The following RFX8 variants were observed in gnomAD, a reference collection of about 807,000 sequenced individuals.
The protein encoded by RFX8 is DNA-binding protein RFX8.
In RFX8, 46 loss-of-function variants were observed where a neutral mutation model predicts 54.6. The ratio of observed to expected loss-of-function variants is 0.84; its 90% CI spans 0.67 to 1.08. The LOEUF (loss-of-function observed/expected upper bound fraction) is 1.08. Ranked by LOEUF, RFX8 falls within the 50% of genes least tolerant of loss-of-function variation. RFX8 has a pLI of 0.00. For missense variants in RFX8, 536 were observed against 562.3 expected (o/e 0.95, Z 0.47); for synonymous variants, 192 against 209.5 (o/e 0.92, Z 0.72).
rs1477781547 is a variant in RFX8, at chr2:101,402,559, G to A, written c.1122C>T (p.Ser374=). 6.4e-7 allele frequency: 1 copy of A among 1,551,878 alleles called. No homozygotes were observed. The highest frequency in any genetic ancestry group is 2.0e-5 in the Admixed American group (1 of 51,010). ...TCACCCCCAGTGGCTCCATGCTGGG[G>A]CTGGCACACGCCTGCGACAGTGAGG... ...LNSSLSQACA[S]PSMEPLGVMP... The change falls in exon 11 of 12, where the codon AGC becomes AGT. Residue 374 remains serine, a synonymous_variant. Transcript: ENST00000428343.
intron 2 of RFX8, among the ~76,000 whole-genome samples, chr2:101,428,734 G>A (rs1273383382): frequency 6.6e-6 from 1 of 152,228 alleles, no homozygotes; most frequent in East Asian, 1.9e-4. Context: ...AGCAGGGAAT[G>A]TGCAGCCAAA....
chr2:101,469,100 ATATATAAGTG>A (rs1689812366), intron 1 of RFX8, among the ~76,000 whole-genome samples: 1 of 27,676 alleles, frequency 3.6e-5, no homozygotes, highest in African/African-American at 1.1e-4. Flanking sequence ...ATAAGTATAT[ATATATAAGTG>A]TATATATATA....
intron 9 of RFX8, among the ~76,000 whole-genome samples, chr2:101,408,988 C>T (rs902916896): frequency 6.6e-6 from 1 of 152,220 alleles, no homozygotes; most frequent in Non-Finnish European, 1.5e-5. Flanking sequence ...CCCTCGGAGT[C>T]TTTGCTCTCT....
At chr2:101,438,727 T>C (rs6708466) in intron 2 of RFX8, among the ~76,000 whole-genome samples, 114,453 of 151,702 alleles carry the variant, frequency 0.75, 44,142 homozygotes, top group Middle Eastern at 0.88. Context: ...TCTACATCCT[T>C]GCTGGCATTG....
At chr2:101,468,052 G>A (rs1052719342) in intron 1 of RFX8, among the ~76,000 whole-genome samples, 3 of 152,056 alleles carry the variant, frequency 2.0e-5, no homozygotes, top group Admixed American at 2.0e-4. Flanking sequence ...GCACACTGAG[G>A]CCCAAACTTA....
intron 2 of RFX8, among the ~76,000 whole-genome samples, chr2:101,427,038 C>A (rs1025287228): frequency 6.6e-6 from 1 of 152,204 alleles, no homozygotes; most frequent in East Asian, 1.9e-4. Flanking sequence ...AGCATATGCA[C>A]GCTGGGTTCC....
chr2:101,411,380 G>T (rs899295671), intron 8 of RFX8, among the ~76,000 whole-genome samples: 5 of 152,208 alleles, frequency 3.3e-5, no homozygotes, highest in African/African-American at 1.2e-4. Context: ...ATCAGCAGTG[G>T]CTGGCAGTCT....
Position 101,466,777 on chromosome 2 carries a change from C to A in RFX8, c.72G>T (p.Lys24Asn). 6.5e-7 allele frequency: 1 copy of A among 1,549,636 alleles called. No homozygotes were observed. Among genetic ancestry groups the A allele is most frequent in the Non-Finnish European group, 8.7e-7 (1 of 1,145,148 alleles). Residue 24 changes from lysine (K) to asparagine (N), a missense_variant and splice_region_variant, in exon 2 of 12, where the codon AAG (lysine) becomes AAT (asparagine). Transcript: ENST00000428343. ...ENQVNPATFG[K>N]CEDHSPMKTD... ...GCGTTCTTAATCTTCAACAACTTAC[C>A]TTCCCAAAGGTGGCCGGGTTGACTT...
chr2:101,437,116 A>C (rs1687822523), intron 2 of RFX8, among the ~76,000 whole-genome samples: 1 of 152,170 alleles, frequency 6.6e-6, no homozygotes, highest in African/African-American at 2.4e-5. Flanking sequence ...AATTCTTATG[A>C]AGATAATTGT....
At chr2:101,419,291 C>T (rs1027912681) in intron 4 of RFX8, among the ~76,000 whole-genome samples, 2 of 152,100 alleles carry the variant, frequency 1.3e-5, no homozygotes, top group African/African-American at 4.8e-5. Flanking sequence ...AGGGCACAGC[C>T]CAGAGAGAAT....
chr2:101,410,793 A>G, intron 8 of RFX8, 80 bp from the exon 9 acceptor site: 1 of 719,308 alleles, frequency 1.4e-6, no homozygotes, highest in Non-Finnish European at 2.4e-6. Flanking sequence ...GTACTGGGTA[A>G]CCTGGAAACA....
chr2:101,405,893 G>T (rs1224426245), intron 10 of RFX8, 50 bp downstream of exon 10: 5 of 1,161,834 alleles, frequency 4.3e-6, no homozygotes, highest in African/African-American at 3.1e-5. Context: ...ATGCCATAAT[G>T]ACATTTTTAA....
intron 2 of RFX8, among the ~76,000 whole-genome samples, chr2:101,424,861 C>A (rs1174268493): frequency 6.6e-6 from 1 of 151,974 alleles, no homozygotes; most frequent in African/African-American, 2.4e-5. Flanking sequence ...CACCAGGGCC[C>A]GTCAGGGGGT....
At chr2:101,423,554 CTG>C (rs1315948074) in intron 2 of RFX8, among the ~76,000 whole-genome samples, 1 of 152,232 alleles carries the variant, frequency 6.6e-6, no homozygotes. Context: ...CTACGCCAGA[CTG>C]TGACTTTTCA....
chr2:101,414,280 T>G (rs1219648486), intron 7 of RFX8, among the ~76,000 whole-genome samples: 1 of 152,086 alleles, frequency 6.6e-6, no homozygotes, highest in Non-Finnish European at 1.5e-5. Context: ...ATTTTTTTAT[T>G]TTTTTGAGAT....
rs1266412754 is a variant in RFX8 at position 101,443,542 on chromosome 2, T to A, written c.73-21070A>T. On this transcript the variant is annotated intron_variant, in intron 2 of 11. Coordinates refer to ENST00000428343, the MANE Select transcript of RFX8 (RefSeq NM_001145664.2). Reference sequence around the variant, plus strand: ...TAGATTCACCTTCCTTTCCTGCCTCTAATACAACTACATATTTGGAAATTA... The same window carrying A: ...TAGATTCACCTTCCTTTCCTGCCTCAAATACAACTACATATTTGGAAATTA... Among the ~76,000 whole-genome samples, 4 of 152,188 alleles carry A rather than the reference T, an allele frequency of 2.6e-5. No individual in the cohort carries two copies. The East Asian group carries it at 5.8e-4, about 22-fold the overall frequency.
rs746230392 is a variant in RFX8 at position 101,402,504 on chromosome 2, G to A, written c.1177C>T (p.Pro393Ser). The change falls in exon 11 of 12, where the codon CCC becomes TCC. Residue 393 changes from proline to serine, a missense_variant. Coordinates refer to ENST00000428343, the MANE Select transcript of RFX8 (RefSeq NM_001145664.2). ...MPTHMGQGRY[P>S]VGVSNMVLRI... The stretch of plus-strand genomic sequence containing the variant: ...AGGACCATGTTGCTCACACCCACGG[G>A]ATATCGGCCCTGGCCCATGTGTGTG... 1 of 1,551,794 alleles carries A rather than the reference G, an allele frequency of 6.4e-7. No homozygotes were observed. Among genetic ancestry groups the A allele is most frequent in the Non-Finnish European group, 8.7e-7 (1 of 1,147,026 alleles).
intron 2 of RFX8, chr2:101,450,736 G>A (rs1255339628): frequency 3.3e-6 from 3 of 900,980 alleles, no homozygotes; most frequent in Non-Finnish European, 5.2e-6. Context: ...ATGCTTTATG[G>A]AAGGCAGAGA....
At chr2:101,427,400 C>A (rs753325746) in intron 2 of RFX8, among the ~76,000 whole-genome samples, 2 of 152,126 alleles carry the variant, frequency 1.3e-5, no homozygotes, top group East Asian at 1.9e-4. Context: ...AAGGATCCGG[C>A]CTGCCTTTGC....
Sources: allele counts gnomAD v4.1 joint callset (sites outside exome capture counted in the v4.1 genomes callset), GRCh38; gene constraint gnomAD v4.1.1; transcripts MANE v1.5; gene names NCBI Gene and HGNC (gene_info 2026-07-23, HGNC 2026-07-21).